The following RBM20 variants were observed in gnomAD, a reference collection of about 807,000 sequenced individuals.
The protein encoded by RBM20 is RNA-binding protein 20.
A neutral mutation model predicts 110.1 loss-of-function variants in RBM20; 51 were observed. The observed-to-expected ratio is 0.46, with a 90% confidence interval of 0.37 to 0.59. The LOEUF (loss-of-function observed/expected upper bound fraction) is 0.59, where lower values mean the gene tolerates loss of function less well. Ranked by LOEUF, RBM20 falls within the 20% of genes least tolerant of loss-of-function variation. The pLI is 0.00. For missense variants in RBM20, 1,512 were observed against 1,574.9 expected, an observed-to-expected ratio of 0.96 and a Z score of 0.68; for synonymous variants, 589 against 618.2, an observed-to-expected ratio of 0.95 and a Z score of 0.70.
At chr10:110,786,737 T>C (rs1221748950) in intron 5 of RBM20, among the ~76,000 whole-genome samples, 2 of 152,238 alleles carry the variant, frequency 1.3e-5, no homozygotes, top group African/African-American at 4.8e-5. Flanking sequence ...GTGTGGGCCA[T>C]GGAGGCACCT....
chr10:110,821,122 C>T lies in RBM20; in HGVS notation c.2656-153C>T, dbSNP rs10787283. Among the ~76,000 whole-genome samples, 81,091 of 151,974 alleles carry T rather than the reference C, an allele frequency of 0.53. 21,827 individuals carry two copies. Among genetic ancestry groups the T allele is most frequent in the Admixed American group, 0.63 (9,594 of 15,282 alleles). On this transcript the variant is annotated intron_variant, in intron 10 of 13. Transcript: ENST00000369519. ...CATCACCCTAAAGATGAGTTGGTGC[C>T]GTGGGACTTGAGTGGTTCACAGTAA...
chr10:110,803,048 T>C (rs1844650051), intron 7 of RBM20, among the ~76,000 whole-genome samples: 1 of 152,166 alleles, frequency 6.6e-6, no homozygotes, highest in South Asian at 2.1e-4. Context: ...GTAGGGTGTA[T>C]AATAGCAGTA....
At chr10:110,750,668 G>C (rs1202369508) in intron 1 of RBM20, among the ~76,000 whole-genome samples, 1 of 152,196 alleles carries the variant, frequency 6.6e-6, no homozygotes, top group Non-Finnish European at 1.5e-5. Flanking sequence ...GAAACTGGGT[G>C]TTCTGTAATG....
intron 1 of RBM20, among the ~76,000 whole-genome samples, chr10:110,738,692 G>A (rs1156601650): frequency 6.6e-6 from 1 of 152,126 alleles, no homozygotes; most frequent in Non-Finnish European, 1.5e-5. Context: ...GATGAGGAGA[G>A]TATACCAGGG....
At chr10:110,682,675 G>T (rs1245245052) in intron 1 of RBM20, among the ~76,000 whole-genome samples, 1 of 152,184 alleles carries the variant, frequency 6.6e-6, no homozygotes, top group African/African-American at 2.4e-5. Flanking sequence ...GAGGGGATGT[G>T]CCCTTCTCAG....
intron 7 of RBM20, among the ~76,000 whole-genome samples, chr10:110,801,403 G>A (rs1844621661): frequency 6.6e-6 from 1 of 151,160 alleles, no homozygotes; most frequent in Non-Finnish European, 1.5e-5. Context: ...CTCTAGCCTG[G>A]GCAACAAAAG....
rs540014314 is a variant in RBM20 at position 110,821,666 on chromosome 10, G to A, written c.3047G>A (p.Gly1016Asp). The change falls in exon 11 of 14, where the codon GGC (glycine) becomes GAC (aspartate). Residue 1016 changes from glycine (G) to aspartate (D), a missense_variant. Transcript: ENST00000369519. ...CGGAAGCCAGCTGAAAGTGAGACAG[G>A]CCTCTCCCTGGAGGATTCAGATTGC... ...AERKPAESETGLSLEDSDCYE... is the reference protein window; with the variant it reads ...AERKPAESETDLSLEDSDCYE... 35 of 1,551,694 alleles carry A rather than the reference G, an allele frequency of 2.3e-5. No individual in the cohort carries two copies. The highest frequency in any genetic ancestry group is 2.0e-4 in the South Asian group (17 of 84,068).
intron 1 of RBM20, among the ~76,000 whole-genome samples, chr10:110,731,405 T>C (rs1843619985): frequency 6.6e-6 from 1 of 152,226 alleles, no homozygotes; most frequent in Non-Finnish European, 1.5e-5. Flanking sequence ...GAAGCTAAAA[T>C]TGTGTTTTGG....
rs983647737 is a variant in RBM20, at chr10:110,669,521, A to G, written c.191+24876A>G. On this transcript the variant is annotated intron_variant, in intron 1 of 13. Transcript: ENST00000369519. Reference sequence around the variant, plus strand: ...GCCTTTCAACAAAACTTTGGATTCAATTACAACACTTGTAGGCTCAGAAGA... The same window carrying G: ...GCCTTTCAACAAAACTTTGGATTCAGTTACAACACTTGTAGGCTCAGAAGA... Among the ~76,000 whole-genome samples the G allele has an allele frequency of 3.3e-5, 5 of 152,346 alleles. 1 individual carries two copies. The highest frequency in any genetic ancestry group is 1.3e-4 in the Admixed American group (2 of 15,308).
At chr10:110,661,610 G>A (rs780094751) in intron 1 of RBM20, among the ~76,000 whole-genome samples, 1 of 152,228 alleles carries the variant, frequency 6.6e-6, no homozygotes, top group African/African-American at 2.4e-5. Context: ...TCAGGGTGTG[G>A]AAGGTATATA....
rs1004982001 is a variant in RBM20 at position 110,784,432 on chromosome 10, G to T, written c.1429G>T (p.Asp477Tyr). The T allele has an allele frequency of 2.6e-6, 4 of 1,550,136 alleles. No homozygotes were observed. In the Admixed American group the frequency reaches 7.8e-5, roughly 30 times the overall value. ...TAVYNPAGNE[D>Y]YASNLGTSYV... ...TGTTTATAACCCTGCTGGGAATGAA[G>T]GTGAGCAAGGCCCTACAGGTCAGCA... The change falls in exon 4 of 14, where the codon GAT becomes TAT. Residue 477 changes from aspartate (D) to tyrosine (Y), a missense_variant and splice_region_variant. Around this residue, in one of 3 missense-constraint regions of RBM20, gnomAD observed 1,149 missense variants for 1,169.4 expected, o/e 0.98. Coordinates refer to ENST00000369519, the MANE Select transcript of RBM20 (RefSeq NM_001134363.3).
chr10:110,769,507 G>A (rs1282898148), intron 1 of RBM20, among the ~76,000 whole-genome samples: 1 of 152,112 alleles, frequency 6.6e-6, no homozygotes, highest in African/African-American at 2.4e-5. Flanking sequence ...CCTGAACCTT[G>A]AGTGTTTTTA....
intron 1 of RBM20, among the ~76,000 whole-genome samples, chr10:110,764,835 C>T (rs1844058076): frequency 6.6e-6 from 1 of 152,212 alleles, no homozygotes; most frequent in Admixed American, 6.5e-5. Flanking sequence ...GGTAAGGTTG[C>T]ATGACATCAT....
intron 1 of RBM20, among the ~76,000 whole-genome samples, chr10:110,775,077 G>A (rs942097483): frequency 4.6e-5 from 7 of 152,176 alleles, no homozygotes; most frequent in African/African-American, 1.7e-4. Flanking sequence ...CTCCTGTGTT[G>A]ACACTAGCAG....
chr10:110,820,262 T>G, intron 10 of RBM20, 86 bp downstream of exon 10: 1 of 880,022 alleles, frequency 1.1e-6, no homozygotes, highest in Non-Finnish European at 1.8e-6. Flanking sequence ...TCCTGCTGGA[T>G]GGAATATGGC....
chr10:110,752,920 C>CATATAT (rs760317651), intron 1 of RBM20, among the ~76,000 whole-genome samples: 100 of 125,174 alleles, frequency 8.0e-4, no homozygotes, highest in African/African-American at 2.9e-3. Flanking sequence ...TATATTTATA[C>CATATAT]ATATATATAT....
chr10:110,725,746 T>C (rs954716528), intron 1 of RBM20, among the ~76,000 whole-genome samples: 1 of 152,240 alleles, frequency 6.6e-6, no homozygotes, highest in African/African-American at 2.4e-5. Context: ...ACAAAGCTAT[T>C]GCGGGGAGGC....
At chr10:110,766,388 G>GATATT (rs1844084607) in intron 1 of RBM20, among the ~76,000 whole-genome samples, 1 of 151,466 alleles carries the variant, frequency 6.6e-6, no homozygotes, top group African/African-American at 2.4e-5. Context: ...TATTTGGCAG[G>GATATT]GTCATAGGAC....
At chr10:110,816,185 T>C (rs1844835340) in intron 9 of RBM20, among the ~76,000 whole-genome samples, 1 of 151,852 alleles carries the variant, frequency 6.6e-6, no homozygotes, top group African/African-American at 2.4e-5. Context: ...GCTCCTCACC[T>C]CCTTCGTCTT....
Sources: gnomAD v4.1 joint callset for allele counts (sites outside exome capture counted in the v4.1 genomes callset) on GRCh38, gnomAD v4.1.1 for gene constraint, gnomAD v4.1.1 regional missense constraint, MANE v1.5 for transcripts, NCBI Gene and HGNC (gene_info 2026-07-23, HGNC 2026-07-21) for gene names.